The following AKAP6 variants were observed in gnomAD, a reference collection of about 807,000 sequenced individuals.
AKAP6 encodes A-kinase anchor protein 6.
Under a neutral mutation model 188.5 loss-of-function variants are expected in AKAP6, and 58 were observed. The observed-to-expected ratio is 0.31, with a 90% CI of 0.25 to 0.38. The LOEUF is 0.38. AKAP6 is among the 10% of genes least tolerant of loss of function. The pLI is 1.00. For missense variants in AKAP6, 2,710 were observed against 2,740.0 expected (o/e 0.99, Z 0.24); for synonymous variants, 989 against 998.6 (o/e 0.99, Z 0.18).
At chr14:32,608,543 T>A (rs183317683) in intron 7 of AKAP6, among the ~76,000 whole-genome samples, 11 of 150,808 alleles carry the variant, frequency 7.3e-5, no homozygotes. Context: ...TTTTTCACAC[T>A]ATACTTCCAT....
At chr14:32,332,738 A>G (rs1886570070) in intron 1 of AKAP6, among the ~76,000 whole-genome samples, 1 of 152,072 alleles carries the variant, frequency 6.6e-6, no homozygotes, top group South Asian at 2.1e-4. Flanking sequence ...AACTTCTCTC[A>G]CAGTCTGGAA....
At chr14:32,529,963 C>CTT (rs11305618) in intron 2 of AKAP6, among the ~76,000 whole-genome samples, 7 of 62,008 alleles carry the variant, frequency 1.1e-4, no homozygotes, top group South Asian at 7.2e-4. Flanking sequence ...GGTAAAGAAA[C>CTT]TTTTTTTTTT....
intron 7 of AKAP6, among the ~76,000 whole-genome samples, chr14:32,653,710 T>G (rs1167289114): frequency 1.3e-5 from 2 of 152,196 alleles, no homozygotes; most frequent in African/African-American, 4.8e-5. Context: ...GGAATAATAA[T>G]AATTATCTTG....
intron 1 of AKAP6, among the ~76,000 whole-genome samples, chr14:32,405,859 G>C (rs942270590): frequency 8.5e-5 from 13 of 152,050 alleles, no homozygotes. Flanking sequence ...GAGATTACCC[G>C]GTCTCCTGTA....
intron 7 of AKAP6, among the ~76,000 whole-genome samples, chr14:32,636,842 T>C (rs1440468866): frequency 6.6e-6 from 1 of 152,032 alleles, no homozygotes; most frequent in African/African-American, 2.4e-5. Flanking sequence ...CCACTGATAG[T>C]TAAGAGGCAC....
At chr14:32,443,359 C>G (rs916102796) in intron 2 of AKAP6, among the ~76,000 whole-genome samples, 1 of 151,768 alleles carries the variant, frequency 6.6e-6, no homozygotes, top group African/African-American at 2.4e-5. Context: ...CACCACTGCA[C>G]TCCAGCCTGG....
At chr14:32,534,096 A>AT (rs1299383866) in intron 2 of AKAP6, among the ~76,000 whole-genome samples, 3 of 152,156 alleles carry the variant, frequency 2.0e-5, no homozygotes, top group Admixed American at 1.3e-4. Flanking sequence ...TCTTCAATAG[A>AT]TTTTTTCCCT....
intron 7 of AKAP6, among the ~76,000 whole-genome samples, chr14:32,624,309 A>G (rs1369856532): frequency 6.6e-6 from 1 of 152,160 alleles, no homozygotes; most frequent in Non-Finnish European, 1.5e-5. Flanking sequence ...TCTTTTCTTA[A>G]AACATATGAC....
intron 7 of AKAP6, among the ~76,000 whole-genome samples, chr14:32,641,482 AAAAAAAG>A (rs1389163933): frequency 2.2e-4 from 33 of 151,554 alleles, no homozygotes; most frequent in African/African-American, 2.9e-4. Flanking sequence ...AAAAAAAAAA[AAAAAAAG>A]AAAAGAAAAG....
In AKAP6 at chr14:32,404,691, G is replaced by GATAGAT; in HGVS notation, c.-34-28766_-34-28765insGATATA. Reference sequence around the variant, plus strand: ...AGAGTGGGGTTATGAGGAGTCAGGAGATATATATATATATATATATTAGTC... The same window carrying GATAGAT: ...AGAGTGGGGTTATGAGGAGTCAGGAGATAGATATATATATATATATATATATTAGTC... On this transcript the variant is annotated intron_variant, in intron 1 of 13. Transcript: ENST00000280979. Among the ~76,000 whole-genome samples the GATAGAT allele has an allele frequency of 1.4e-3, 64 of 44,428 alleles. 5 individuals carry two copies. The highest frequency in any genetic ancestry group is 4.0e-3 in the African/African-American group (56 of 13,988). The allele number at this position is 44,428 out of a possible 152,430, so 29.1% of individuals were successfully genotyped here. A position where few individuals can be genotyped will look rare whatever the true frequency, so the allele number is the denominator to read the frequency against.
rs145718864 is a variant in AKAP6 at position 32,334,847 on chromosome 14, G to A, written c.-35+5439G>A. 3.3e-5 allele frequency among the ~76,000 whole-genome samples: 5 copies of A among 152,302 alleles called. No individual in the cohort carries two copies. The East Asian group carries it at 9.7e-4, about 29-fold the overall frequency. On this transcript the variant is annotated intron_variant, in intron 1 of 13. Coordinates refer to ENST00000280979, the MANE Select transcript of AKAP6 (RefSeq NM_004274.5). Reference sequence around the variant, plus strand: ...TAAGCCACCAGCCATATTTTTCTCTGTTCTTCAGCCATGGGGCATGCTCCA... The same window carrying A: ...TAAGCCACCAGCCATATTTTTCTCTATTCTTCAGCCATGGGGCATGCTCCA...
At chr14:32,818,808 A>G (rs2034451407) in intron 12 of AKAP6, among the ~76,000 whole-genome samples, 1 of 152,132 alleles carries the variant, frequency 6.6e-6, no homozygotes, top group Non-Finnish European at 1.5e-5. Flanking sequence ...TCTCCATGTG[A>G]GCCCCTAGGT....
At chr14:32,518,715 C>G (rs1281333935) in intron 2 of AKAP6, among the ~76,000 whole-genome samples, 4 of 152,186 alleles carry the variant, frequency 2.6e-5, no homozygotes, top group African/African-American at 9.7e-5. Flanking sequence ...AAATCTACGT[C>G]TGATTGGTGT....
At chr14:32,716,588 A>G (rs1416778598) in intron 9 of AKAP6, among the ~76,000 whole-genome samples, 1 of 148,550 alleles carries the variant, frequency 6.7e-6, no homozygotes. Flanking sequence ...CCTGTCTTTT[A>G]GAAAATACAT....
chr14:32,811,016 G>A (rs2034211217), intron 12 of AKAP6, among the ~76,000 whole-genome samples: 4 of 152,010 alleles, frequency 2.6e-5, no homozygotes, highest in Admixed American at 2.0e-4. Flanking sequence ...GAGGTGGGCA[G>A]ATCACGAGGT....
intron 12 of AKAP6, among the ~76,000 whole-genome samples, chr14:32,809,972 G>C (rs866842645): frequency 2.0e-5 from 3 of 152,170 alleles, no homozygotes; most frequent in African/African-American, 4.8e-5. Flanking sequence ...GCTTTAGGTA[G>C]TGCAAAGTAT....
At chr14:32,800,337 G>T (rs748862020) in intron 12 of AKAP6, among the ~76,000 whole-genome samples, 13 of 151,626 alleles carry the variant, frequency 8.6e-5, no homozygotes, top group Non-Finnish European at 1.6e-4. Context: ...AGGAGGCAGA[G>T]GTTGCAGTGA....
At chr14:32,792,706 AG>A (rs2033646631) in intron 12 of AKAP6, among the ~76,000 whole-genome samples, 2 of 152,170 alleles carry the variant, frequency 1.3e-5, no homozygotes, top group South Asian at 4.1e-4. Flanking sequence ...TGGTTTTCAA[AG>A]GGAATGCTTC....
At position 32,546,982 on chromosome 14, in the gene AKAP6, A is replaced by G. The variant is rs187446252; in HGVS notation, c.2329A>G (p.Ile777Val). 1.4e-4 allele frequency: 222 copies of G among 1,594,226 alleles called. No homozygotes were observed. Among genetic ancestry groups the G allele is most frequent in the Non-Finnish European group, 1.8e-4 (214 of 1,176,516 alleles). The change falls in exon 4 of 14, where the codon ATA becomes GTA. Residue 777 changes from isoleucine to valine, a missense_variant. This residue lies in a region of AKAP6 where 2,473 missense variants were observed against 2,426.1 expected (regional missense o/e 1.02). Transcript: ENST00000280979. ...DIQHQDNYEA[I>V]WEKIEGFVNK... ...TCAGCACCAAGACAACTATGAAGCC[A>G]TATGGGAAAAAATAGAGGTAAGGTG...
Sources: gnomAD v4.1 joint callset for allele counts (sites outside exome capture counted in the v4.1 genomes callset) on GRCh38, gnomAD v4.1.1 for gene constraint, gnomAD v4.1.1 regional missense constraint, MANE v1.5 for transcripts, NCBI Gene and HGNC (gene_info 2026-07-23, HGNC 2026-07-21) for gene names.